Variants in LRRFIP1 observed in about 807,000 individuals in gnomAD.
The protein encoded by LRRFIP1 is LRR binding FLII interacting protein 1.
A neutral mutation model predicts 104.4 loss-of-function variants in LRRFIP1; 62 were observed. The ratio of observed to expected loss-of-function variants is 0.59; its 90% CI spans 0.48 to 0.73. The LOEUF (loss-of-function observed/expected upper bound fraction) is 0.73. Among genes scored for constraint, LRRFIP1 ranks in the 30% least tolerant of loss-of-function variants. The pLI is 0.00. For missense variants in LRRFIP1, 796 were observed against 824.5 expected (o/e 0.97, Z 0.42); for synonymous variants, 300 against 299.0 (o/e 1.00, Z -0.03).
chr2:237,657,158 C>A (rs1575192754), intron 1 of LRRFIP1, among the ~76,000 whole-genome samples: 1 of 152,054 alleles, frequency 6.6e-6, no homozygotes, highest in Admixed American at 6.5e-5. Flanking sequence ...AGAAACAGGT[C>A]AAGTGTGAGG....
At chr2:237,751,331 AC>A (rs1422790584) in intron 14 of LRRFIP1, 60 bp downstream of exon 14, 17 of 1,294,048 alleles carry the variant, frequency 1.3e-5, no homozygotes, top group Non-Finnish European at 1.6e-5. Flanking sequence ...AAAAAAAAAA[AC>A]AACATCCTAA....
intron 9 of LRRFIP1, among the ~76,000 whole-genome samples, chr2:237,734,958 T>C (rs1258839162): frequency 6.6e-6 from 1 of 152,222 alleles, no homozygotes; most frequent in Non-Finnish European, 1.5e-5. Context: ...AATTATCTGC[T>C]CATTTTAACC....
chr2:237,781,295 TCA>T lies in LRRFIP1; in HGVS notation c.*1766_*1767del, dbSNP rs2061423272. Among the ~76,000 whole-genome samples the T allele has an allele frequency of 6.6e-6, 1 of 152,234 alleles. No individual in the cohort carries two copies. Among genetic ancestry groups the T allele is most frequent in the Non-Finnish European group, 1.5e-5 (1 of 68,030 alleles). ...TAGGTATTTTTCACTCATGCAATTT[TCA>T]CATATTTTCACTCATTTCATTTGCA... On this transcript the variant is annotated 3_prime_UTR_variant, in exon 24 of 24. Transcript: ENST00000308482.
At chr2:237,631,191 C>T (rs1472683372) in intron 1 of LRRFIP1, among the ~76,000 whole-genome samples, 2 of 152,224 alleles carry the variant, frequency 1.3e-5, no homozygotes, top group Non-Finnish European at 2.9e-5. Context: ...CACCCAAGAA[C>T]ATGCCTTCTG....
At chr2:237,643,286 G>A (rs537971831) in intron 1 of LRRFIP1, among the ~76,000 whole-genome samples, 17 of 152,308 alleles carry the variant, frequency 1.1e-4, no homozygotes, top group Non-Finnish European at 1.9e-4. Context: ...AGAAATGCTG[G>A]GTCTTGAGCC....
chr2:237,711,239 C>T lies in LRRFIP1; in HGVS notation c.183+2609C>T, dbSNP rs189570451. 1.3e-5 allele frequency among the ~76,000 whole-genome samples: 2 copies of T among 152,190 alleles called. No homozygotes were observed. Among genetic ancestry groups the T allele is most frequent in the African/African-American group, 4.8e-5 (2 of 41,428 alleles). ...CATCTGATGAAATCGGGAAGTCTCA[C>T]GTAAAACGCCATGGTTTGCCTTCTT... On this transcript the variant is annotated intron_variant, in intron 2 of 23. Coordinates refer to ENST00000308482, the MANE Select transcript of LRRFIP1 (RefSeq NM_001137550.2). The surrounding 1 kb of genome is among the most constrained non-coding windows in gnomAD (Gnocchi z 4.4).
chr2:237,629,660 C>T (rs10176818), intron 1 of LRRFIP1, among the ~76,000 whole-genome samples: 3,810 of 151,932 alleles, frequency 0.025, 181 homozygotes, highest in African/African-American at 0.087. Flanking sequence ...TTAATAGAGA[C>T]GGGGTTTCAC....
At chr2:237,700,545 ATG>A (rs1379299006) in intron 1 of LRRFIP1, among the ~76,000 whole-genome samples, 5 of 152,196 alleles carry the variant, frequency 3.3e-5, no homozygotes, top group African/African-American at 1.2e-4. Flanking sequence ...GCGAAAATGA[ATG>A]TGTGTAATTA....
intron 20 of LRRFIP1, 70 bp from the exon 21 acceptor site, chr2:237,772,011 C>A: frequency 7.5e-6 from 8 of 1,073,242 alleles, no homozygotes; most frequent in African/African-American, 1.5e-5. Context: ...TTCTGATGGG[C>A]TCTAACTTCA....
At chr2:237,779,302 G>T in intron 23 of LRRFIP1, 120 bp from the exon 24 acceptor site, 1 of 1,425,524 alleles carries the variant, frequency 7.0e-7, no homozygotes. Flanking sequence ...CATCATGAGG[G>T]ACCAGGGGCC....
chr2:237,765,804 T>G, intron 19 of LRRFIP1: 2 of 965,214 alleles, frequency 2.1e-6, no homozygotes, highest in Non-Finnish European at 2.5e-6. Context: ...TTATGTGGAT[T>G]CATATTACTG....
At chr2:237,653,088 A>G (rs1362412057) in intron 1 of LRRFIP1, among the ~76,000 whole-genome samples, 1 of 152,146 alleles carries the variant, frequency 6.6e-6, no homozygotes, top group Non-Finnish European at 1.5e-5. Context: ...CCATGATTGT[A>G]AGTTTCCTGA....
chr2:237,648,625 G>C (rs1264684849), intron 1 of LRRFIP1, among the ~76,000 whole-genome samples: 1 of 151,426 alleles, frequency 6.6e-6, no homozygotes, highest in Non-Finnish European at 1.5e-5. Flanking sequence ...CGTGAACTTG[G>C]GGGAGTCATA....
intron 1 of LRRFIP1, among the ~76,000 whole-genome samples, chr2:237,699,736 C>T (rs1369023967): frequency 1.3e-5 from 2 of 152,234 alleles, no homozygotes; most frequent in East Asian, 1.9e-4. Flanking sequence ...GATGGTTGGC[C>T]GACCTGGCCC....
At chr2:237,648,358 CT>C (rs949168386) in intron 1 of LRRFIP1, among the ~76,000 whole-genome samples, 7 of 151,906 alleles carry the variant, frequency 4.6e-5, no homozygotes, top group African/African-American at 1.7e-4. Flanking sequence ...AGGGATTGTT[CT>C]TTGCTGAAAT....
chr2:237,772,410 G>A (rs1438233704), intron 21 of LRRFIP1: 9 of 512,268 alleles, frequency 1.8e-5, no homozygotes, highest in Middle Eastern at 5.2e-4. Context: ...ACCCAAAAAC[G>A]TGCACCAAGA....
chr2:237,724,945 G>C (rs2094684551), intron 7 of LRRFIP1, among the ~76,000 whole-genome samples: 1 of 152,030 alleles, frequency 6.6e-6, no homozygotes, highest in Non-Finnish European at 1.5e-5. Context: ...TTTGACTCAT[G>C]TAGAAAAGAC....
chr2:237,628,727 C>A (rs2081944357), intron 1 of LRRFIP1, among the ~76,000 whole-genome samples: 1 of 152,214 alleles, frequency 6.6e-6, no homozygotes, highest in South Asian at 2.1e-4. Context: ...GAAACACCTC[C>A]AAGCCATTTG....
chr2:237,671,930 T>A (rs2090415242), intron 1 of LRRFIP1, among the ~76,000 whole-genome samples: 1 of 150,592 alleles, frequency 6.6e-6, no homozygotes, highest in African/African-American at 2.5e-5. Flanking sequence ...AACTAACCCG[T>A]CTGGCAACAT....
Sources: gnomAD v4.1 joint callset for allele counts (sites outside exome capture counted in the v4.1 genomes callset) on GRCh38, gnomAD v4.1.1 for gene constraint, Gnocchi (gnomAD v3.1) non-coding constraint, MANE v1.5 for transcripts, NCBI Gene and HGNC (gene_info 2026-07-23, HGNC 2026-07-21) for gene names.